Variants in SDK1 observed in about 807,000 individuals in gnomAD.
SDK1 encodes sidekick cell adhesion molecule 1, also known as protein sidekick-1.
Under a neutral mutation model 245.5 loss-of-function variants are expected in SDK1, and 157 were observed. That is an observed-to-expected ratio of 0.64 (90% CI 0.56 to 0.73). SDK1 has a LOEUF of 0.73. Among genes scored for constraint, SDK1 ranks in the 30% least tolerant of loss-of-function variants. The pLI, the probability that SDK1 is intolerant of heterozygous loss-of-function variation, is 0.00. For synonymous variants in SDK1, 1,647 were observed against 1,278.5 expected (o/e 1.29, Z -6.15); for missense variants, 3,583 against 3,002.3 (o/e 1.19, Z -4.52).
At chr7:3,319,608 G>A (rs1299684126) in intron 1 of SDK1, among the ~76,000 whole-genome samples, 1 of 151,956 alleles carries the variant, frequency 6.6e-6, no homozygotes, top group African/African-American at 2.4e-5. Context: ...TTTGTCCCTT[G>A]TAAGTTTCTG....
intron 33 of SDK1, 116 bp from the exon 34 acceptor site, chr7:4,175,659 T>C: frequency 2.3e-6 from 2 of 857,622 alleles, no homozygotes; most frequent in Non-Finnish European, 4.0e-6. Flanking sequence ...AGGCGCAGCG[T>C]GGGAAGTGGC....
chr7:3,895,115 A>G lies in SDK1; in HGVS notation c.848-55808A>G, dbSNP rs76651713. Among the ~76,000 whole-genome samples the G allele has an allele frequency of 2.8e-3, 433 of 152,340 alleles. 5 individuals carry two copies. The South Asian group carries it at 0.034, about 12-fold the overall frequency. On this transcript the variant is annotated intron_variant, in intron 5 of 44. Coordinates refer to ENST00000404826, the MANE Select transcript of SDK1 (RefSeq NM_152744.4). ...ATTATAGGGTAAGAAGAATAGCACA[A>G]AATATTCACCAGGCATGGAGGATAT...
At chr7:4,072,058 A>G (rs957813479) in intron 20 of SDK1, among the ~76,000 whole-genome samples, 2 of 152,250 alleles carry the variant, frequency 1.3e-5, no homozygotes, top group African/African-American at 2.4e-5. Context: ...GTGGTTGCCA[A>G]TACTTCCAAT....
chr7:4,047,111 A>T (rs1360907450), intron 17 of SDK1, among the ~76,000 whole-genome samples: 1 of 152,224 alleles, frequency 6.6e-6, no homozygotes, highest in Non-Finnish European at 1.5e-5. Flanking sequence ...TATTAGCTGT[A>T]GGCGTTTTAT....
At position 3,959,153 on chromosome 7, in the gene SDK1, C is replaced by T. The variant is rs1583638702; in HGVS notation, c.1234+139C>T. ...AGCAGACTTCAGAGAGTAGATCGGT[C>T]TTGGGGCAGTGACTGTGGGTAAGGC... On this transcript the variant is annotated intron_variant, in intron 8 of 44. Coordinates refer to ENST00000404826, the MANE Select transcript of SDK1 (RefSeq NM_152744.4). 1.3e-5 allele frequency: 9 copies of T among 705,582 alleles called. No individual in the cohort carries two copies. In the East Asian group the frequency reaches 2.1e-4, roughly 16 times the overall value. The allele number at this position is 705,582 out of a possible 1,614,324, so 43.7% of individuals were successfully genotyped here.
At chr7:3,439,939 T>C (rs1780147153) in intron 1 of SDK1, among the ~76,000 whole-genome samples, 1 of 152,174 alleles carries the variant, frequency 6.6e-6, no homozygotes, top group South Asian at 2.1e-4. Flanking sequence ...CTGGACTTTT[T>C]TTTTAAGTTA....
Position 3,967,451 on chromosome 7 carries a change from GC to G in SDK1, c.1546+20del. The G allele has an allele frequency of 6.9e-7, 1 of 1,445,234 alleles. No homozygotes were observed. Among genetic ancestry groups the G allele is most frequent in the Non-Finnish European group, 9.7e-7 (1 of 1,025,754 alleles). 89.5% of individuals were successfully genotyped at this position (1,445,234 alleles called of 1,614,324 possible). A position where few individuals can be genotyped will look rare whatever the true frequency, so the allele number is the denominator to read the frequency against. On this transcript the variant is annotated intron_variant, in intron 10 of 44. Transcript: ENST00000404826. ...GGAAAAGAGGTGGGTAGCATCCACT[GC>G]CCACAACAGCATGGCCCATGTAGAA...
chr7:4,172,667 G>C (rs1026839056), intron 32 of SDK1, among the ~76,000 whole-genome samples: 1 of 152,124 alleles, frequency 6.6e-6, no homozygotes, highest in Non-Finnish European at 1.5e-5. Flanking sequence ...CAGCTCTGGG[G>C]GCCAAAAGTC....
chr7:3,759,540 AT>A (rs1395576295), intron 4 of SDK1, among the ~76,000 whole-genome samples: 1 of 150,850 alleles, frequency 6.6e-6, no homozygotes. Flanking sequence ...CATATGTTGA[AT>A]TTTCTTTTTA....
intron 4 of SDK1, among the ~76,000 whole-genome samples, chr7:3,717,517 A>G (rs1396516555): frequency 1.3e-5 from 2 of 152,208 alleles, no homozygotes; most frequent in African/African-American, 4.8e-5. Flanking sequence ...TTAAGCTCCC[A>G]CCTAAGAACC....
At chr7:3,774,872 T>C (rs1375528248) in intron 4 of SDK1, among the ~76,000 whole-genome samples, 1 of 152,216 alleles carries the variant, frequency 6.6e-6, no homozygotes. Context: ...TGTGACTACT[T>C]CTAATTGGGA....
chr7:3,564,723 A>T (rs1042961701), intron 1 of SDK1, among the ~76,000 whole-genome samples: 3 of 152,172 alleles, frequency 2.0e-5, no homozygotes, highest in African/African-American at 7.2e-5. Context: ...AGTAGTCAAA[A>T]GCTTTCCTCC....
chr7:3,347,895 T>G (rs1583719003), intron 1 of SDK1, among the ~76,000 whole-genome samples: 1 of 27,710 alleles, frequency 3.6e-5, no homozygotes, highest in South Asian at 7.6e-4. Context: ...TAAATATGTT[T>G]TTTTTTTTTT....
chr7:3,613,047 C>T (rs1296147175), intron 1 of SDK1, among the ~76,000 whole-genome samples: 2 of 152,152 alleles, frequency 1.3e-5, no homozygotes, highest in African/African-American at 4.8e-5. Flanking sequence ...TGGAAGCTCT[C>T]TTGGGCAGAG....
intron 1 of SDK1, among the ~76,000 whole-genome samples, chr7:3,564,355 G>A (rs1011437335): frequency 4.6e-5 from 7 of 152,110 alleles, no homozygotes; most frequent in Non-Finnish European, 7.4e-5. Context: ...ACAGGACAAT[G>A]CTGGCACCTG....
At chr7:3,911,190 G>C (rs1583551156) in intron 5 of SDK1, among the ~76,000 whole-genome samples, 1 of 152,210 alleles carries the variant, frequency 6.6e-6, no homozygotes, top group East Asian at 1.9e-4. Context: ...TCACATGGCT[G>C]CTGTGGCTGT....
At chr7:3,390,800 C>G (rs1309011642) in intron 1 of SDK1, among the ~76,000 whole-genome samples, 1 of 152,168 alleles carries the variant, frequency 6.6e-6, no homozygotes, top group Admixed American at 6.5e-5. Flanking sequence ...GAAACTTGAT[C>G]TTGGACTTCT....
At chr7:3,358,633 A>G (rs993759824) in intron 1 of SDK1, among the ~76,000 whole-genome samples, 1 of 152,168 alleles carries the variant, frequency 6.6e-6, no homozygotes, top group Non-Finnish European at 1.5e-5. Context: ...AGGAATTACT[A>G]TGCAGCTAGA....
At chr7:3,379,231 A>T (rs1314556049) in intron 1 of SDK1, among the ~76,000 whole-genome samples, 1 of 152,162 alleles carries the variant, frequency 6.6e-6, no homozygotes, top group Non-Finnish European at 1.5e-5. Flanking sequence ...TGAAGAGAAG[A>T]CCTGTCACGA....
Sources: allele counts gnomAD v4.1 joint callset (sites outside exome capture counted in the v4.1 genomes callset), GRCh38; gene constraint gnomAD v4.1.1; transcripts MANE v1.5; gene names NCBI Gene and HGNC (gene_info 2026-07-23, HGNC 2026-07-21).